Variants in SGPP2 observed in about 807,000 individuals in gnomAD.
The protein encoded by SGPP2 is sphingosine-1-phosphate phosphatase 2.
In SGPP2, 30 loss-of-function variants were observed where a neutral mutation model predicts 33.9. That is an observed-to-expected ratio of 0.89 (90% CI 0.66 to 1.20). The LOEUF is 1.20. SGPP2 is among the 50% of genes most tolerant of loss of function. The pLI, the probability that SGPP2 is intolerant of heterozygous loss-of-function variation, is 0.00. For synonymous variants in SGPP2, 233 were observed against 225.0 expected (o/e 1.04, Z -0.32); for missense variants, 458 against 532.1 (o/e 0.86, Z 1.37).
intron 2 of SGPP2, among the ~76,000 whole-genome samples, chr2:222,515,101 T>A (rs774720983): frequency 6.6e-6 from 1 of 152,062 alleles, no homozygotes; most frequent in Non-Finnish European, 1.5e-5. Flanking sequence ...ATCTGTTACC[T>A]GGATTTTGCA....
chr2:222,495,899 C>T (rs1574860959), intron 2 of SGPP2, among the ~76,000 whole-genome samples: 2 of 152,212 alleles, frequency 1.3e-5, no homozygotes, highest in South Asian at 2.1e-4. Flanking sequence ...AATAGGCTGA[C>T]GTCAGGGTAC....
At chr2:222,523,690 ATATAT>A (rs1283733523) in intron 3 of SGPP2, among the ~76,000 whole-genome samples, 3 of 151,126 alleles carry the variant, frequency 2.0e-5, no homozygotes, top group South Asian at 2.1e-4. Flanking sequence ...TGGTTTATTT[ATATAT>A]TATATTTATT....
At chr2:222,504,766 A>G (rs1342118910) in intron 2 of SGPP2, 3 of 152,298 alleles carry the variant, frequency 2.0e-5, no homozygotes, top group African/African-American at 7.2e-5. Flanking sequence ...TGATGGCCAC[A>G]GTATCCACTT....
At chr2:222,444,739 G>A (rs1339387554) in intron 1 of SGPP2, among the ~76,000 whole-genome samples, 1 of 152,228 alleles carries the variant, frequency 6.6e-6, no homozygotes, top group Non-Finnish European at 1.5e-5. Context: ...GAAATGTTAA[G>A]AGGATTTGAA....
intron 1 of SGPP2, among the ~76,000 whole-genome samples, chr2:222,461,331 T>C (rs529358454): frequency 6.6e-6 from 1 of 152,206 alleles, no homozygotes; most frequent in Admixed American, 6.6e-5. Flanking sequence ...ATGTCCGGCA[T>C]TGGTCCCAAG....
chr2:222,522,036 G>T, intron 3 of SGPP2, 90 bp downstream of exon 3: 1 of 1,177,056 alleles, frequency 8.5e-7, no homozygotes, highest in Admixed American at 2.9e-5. Flanking sequence ...CTGCTTTGAG[G>T]GACCTTAAGG....
At chr2:222,486,759 A>G (rs1424415732) in intron 2 of SGPP2, among the ~76,000 whole-genome samples, 1 of 152,068 alleles carries the variant, frequency 6.6e-6, no homozygotes, top group East Asian at 1.9e-4. Context: ...TCGAACCAGT[A>G]ACTCTCTGAT....
intron 4 of SGPP2, among the ~76,000 whole-genome samples, chr2:222,526,493 C>T (rs558249354): frequency 9.2e-5 from 14 of 152,262 alleles, no homozygotes; most frequent in African/African-American, 3.1e-4. Context: ...ACTGCCACTT[C>T]GTGTTACAAA....
chr2:222,455,435 C>T (rs949440239), intron 1 of SGPP2, among the ~76,000 whole-genome samples: 6 of 151,742 alleles, frequency 4.0e-5, no homozygotes, highest in Non-Finnish European at 7.4e-5. Flanking sequence ...AAGACATGCT[C>T]GAGTAAGAGG....
intron 4 of SGPP2, among the ~76,000 whole-genome samples, chr2:222,541,113 G>T (rs140486611): frequency 6.6e-6 from 1 of 152,088 alleles, no homozygotes; most frequent in African/African-American, 2.4e-5. Flanking sequence ...CACCACGTCC[G>T]GCCAGCTTAT....
chr2:222,554,349 C>T (rs984200521), intron 4 of SGPP2, among the ~76,000 whole-genome samples: 1 of 152,164 alleles, frequency 6.6e-6, no homozygotes, highest in Non-Finnish European at 1.5e-5. Context: ...TATTCCACTG[C>T]GTGGCTATAT....
chr2:222,558,978 C>G lies in SGPP2; in HGVS notation c.*80C>G. ...GTTATTGGTAGGCAAATCTTGACAA[C>G]TTATTTTTCTTTAACAACAACAAAA... On this transcript the variant is annotated 3_prime_UTR_variant, in exon 5 of 5. Coordinates refer to ENST00000321276, the MANE Select transcript of SGPP2 (RefSeq NM_152386.4). 2.1e-6 allele frequency: 3 copies of G among 1,399,736 alleles called. No individual in the cohort carries two copies. The highest frequency in any genetic ancestry group is 4.3e-5 in the Admixed American group (2 of 47,048). The allele number at this position is 1,399,736 out of a possible 1,614,324, so 86.7% of individuals were successfully genotyped here.
intron 2 of SGPP2, among the ~76,000 whole-genome samples, chr2:222,508,661 A>G (rs1698481369): frequency 6.6e-6 from 1 of 152,244 alleles, no homozygotes; most frequent in Non-Finnish European, 1.5e-5. Flanking sequence ...AAAAATTTCA[A>G]AAGCAGAGCT....
intron 1 of SGPP2, among the ~76,000 whole-genome samples, chr2:222,430,690 GA>G (rs869245851): frequency 3.3e-5 from 5 of 152,076 alleles, no homozygotes; most frequent in South Asian, 2.1e-4. Context: ...AGAGAAGGGG[GA>G]AAAAAGTAAT....
chr2:222,515,733 CAT>C (rs756082406), intron 2 of SGPP2, among the ~76,000 whole-genome samples: 4 of 152,044 alleles, frequency 2.6e-5, no homozygotes, highest in African/African-American at 4.8e-5. Flanking sequence ...AGAGTTCACA[CAT>C]GTTTAAAATA....
At chr2:222,463,106 CT>C (rs1697690350) in intron 1 of SGPP2, among the ~76,000 whole-genome samples, 1 of 152,180 alleles carries the variant, frequency 6.6e-6, no homozygotes, top group Non-Finnish European at 1.5e-5. Context: ...CTAGGCAAGA[CT>C]TTAGGAGGAG....
At chr2:222,558,195 G>GA (rs1689449353) in intron 4 of SGPP2, 152 bp from the exon 5 acceptor site, 2 of 859,312 alleles carry the variant, frequency 2.3e-6, no homozygotes, top group Non-Finnish European at 1.7e-6. Context: ...CAAAGTTTTA[G>GA]AACTTTACAC....
At chr2:222,429,031 A>G (rs1335791017) in intron 1 of SGPP2, among the ~76,000 whole-genome samples, 1 of 152,062 alleles carries the variant, frequency 6.6e-6, no homozygotes, top group Non-Finnish European at 1.5e-5. Context: ...ACCTTAGGTG[A>G]TGTGCCTGCC....
At chr2:222,480,366 T>C (rs764669655) in intron 2 of SGPP2, among the ~76,000 whole-genome samples, 88 of 152,238 alleles carry the variant, frequency 5.8e-4, no homozygotes, top group Non-Finnish European at 1.5e-4. Flanking sequence ...TTTACACTGA[T>C]ATTTCTTTCC....
Sources: allele counts gnomAD v4.1 joint callset (sites outside exome capture counted in the v4.1 genomes callset), GRCh38; gene constraint gnomAD v4.1.1; transcripts MANE v1.5; gene names NCBI Gene and HGNC (gene_info 2026-07-23, HGNC 2026-07-21).